Variants in GAS2 observed in about 807,000 individuals in gnomAD.
GAS2 encodes growth arrest specific 2, also known as growth arrest-specific protein 2.
A neutral mutation model predicts 37.5 loss-of-function variants in GAS2; 20 were observed. That is an observed-to-expected ratio of 0.53 (90% CI 0.37 to 0.77). The LOEUF (loss-of-function observed/expected upper bound fraction) is 0.77, where lower values mean the gene tolerates loss of function less well. GAS2 is among the 30% of genes least tolerant of loss of function. The pLI is 0.00. For missense variants in GAS2, 336 were observed against 373.4 expected, an observed-to-expected ratio of 0.90 and a Z score of 0.82; for synonymous variants, 144 against 132.2, an observed-to-expected ratio of 1.09 and a Z score of -0.61.
intron 2 of GAS2, among the ~76,000 whole-genome samples, chr11:22,678,628 A>G (rs951809474): frequency 1.3e-5 from 2 of 152,024 alleles, no homozygotes; most frequent in Admixed American, 1.3e-4. Context: ...ATGCTTGTCT[A>G]AAATGTAATT....
chr11:22,673,967 A>G (rs1125898), intron 1 of GAS2, among the ~76,000 whole-genome samples: 95,056 of 152,054 alleles, frequency 0.63, 30,913 homozygotes, highest in East Asian at 0.83. Flanking sequence ...AAGATAAAAA[A>G]CAAGAAAGAG....
chr11:22,638,290 A>G (rs545237982), intron 1 of GAS2, among the ~76,000 whole-genome samples: 1 of 152,228 alleles, frequency 6.6e-6, no homozygotes, highest in South Asian at 2.1e-4. Context: ...TAAGAATTGA[A>G]AACTTAAGTT....
intron 4 of GAS2, among the ~76,000 whole-genome samples, chr11:22,727,002 C>T (rs929842352): frequency 3.9e-5 from 6 of 152,060 alleles, no homozygotes; most frequent in African/African-American, 1.4e-4. Context: ...AGTGCCTACA[C>T]CTACTGAGAT....
At chr11:22,725,258 G>C (rs1852145816) in intron 3 of GAS2, among the ~76,000 whole-genome samples, 1 of 151,924 alleles carries the variant, frequency 6.6e-6, no homozygotes, top group Non-Finnish European at 1.5e-5. Context: ...GTCTATCCAG[G>C]TTCACCCCCA....
chr11:22,715,785 A>T (rs1423657405), intron 3 of GAS2, among the ~76,000 whole-genome samples: 4 of 152,142 alleles, frequency 2.6e-5, no homozygotes, highest in Non-Finnish European at 5.9e-5. Context: ...AAGAATTGGT[A>T]CCAATCCTGC....
At chr11:22,758,979 T>G (rs1264365023) in intron 7 of GAS2, among the ~76,000 whole-genome samples, 3 of 151,538 alleles carry the variant, frequency 2.0e-5, no homozygotes, top group African/African-American at 7.3e-5. Flanking sequence ...CTAACACTGT[T>G]AACTCTTGAC....
At chr11:22,718,038 C>T (rs1396197541) in intron 3 of GAS2, among the ~76,000 whole-genome samples, 2 of 151,948 alleles carry the variant, frequency 1.3e-5, no homozygotes, top group Admixed American at 6.6e-5. Flanking sequence ...TAAACTAATA[C>T]AACCACCATG....
intron 7 of GAS2, among the ~76,000 whole-genome samples, chr11:22,765,301 A>C (rs1854628009): frequency 6.6e-6 from 1 of 152,238 alleles, no homozygotes; most frequent in South Asian, 2.1e-4. Context: ...GCAACAATAT[A>C]GTAGAGAGTT....
chr11:22,717,905 T>A (rs542395564), intron 3 of GAS2, among the ~76,000 whole-genome samples: 1 of 152,088 alleles, frequency 6.6e-6, no homozygotes, highest in African/African-American at 2.4e-5. Flanking sequence ...GAAATGCAAA[T>A]CAAAACCACA....
chr11:22,690,091 T>G (rs1453544480), intron 3 of GAS2, among the ~76,000 whole-genome samples: 1 of 152,232 alleles, frequency 6.6e-6, no homozygotes, highest in African/African-American at 2.4e-5. Context: ...CAATATTTTT[T>G]ACTATTCTTG....
chr11:22,704,143 G>A (rs1365177789), intron 3 of GAS2, among the ~76,000 whole-genome samples: 1 of 152,078 alleles, frequency 6.6e-6, no homozygotes, highest in East Asian at 1.9e-4. Flanking sequence ...GTGTTATGGA[G>A]GATGTGAAGC....
chr11:22,781,466 T>G (rs544470384), intron 7 of GAS2, among the ~76,000 whole-genome samples: 1 of 152,220 alleles, frequency 6.6e-6, no homozygotes, highest in East Asian at 1.9e-4. Flanking sequence ...ACAGGTTTAA[T>G]TAAAATTTCT....
chr11:22,737,009 A>T lies in GAS2; in HGVS notation c.410-696A>T, dbSNP rs76432703. On this transcript the variant is annotated intron_variant, in intron 4 of 7. Transcript: ENST00000454584. Reference sequence around the variant, plus strand: ...AGCAAATGCACTAATTAATCACATTATATTATAATAGAAATATCAATTCAA... The same window carrying T: ...AGCAAATGCACTAATTAATCACATTTTATTATAATAGAAATATCAATTCAA... 2.4e-4 allele frequency among the ~76,000 whole-genome samples: 37 copies of T among 152,340 alleles called. No homozygotes were observed. The East Asian group carries it at 7.1e-3, about 29-fold the overall frequency.
At chr11:22,741,196 G>C (rs1360202449) in intron 5 of GAS2, among the ~76,000 whole-genome samples, 2 of 152,070 alleles carry the variant, frequency 1.3e-5, no homozygotes, top group African/African-American at 4.8e-5. Context: ...GTTCTCATGG[G>C]TAAAACTTAC....
chr11:22,695,305 G>C (rs918397277), intron 3 of GAS2, among the ~76,000 whole-genome samples: 11 of 150,926 alleles, frequency 7.3e-5, no homozygotes, highest in African/African-American at 2.7e-4. Flanking sequence ...GGGTGACAGA[G>C]TGAGACTCCT....
chr11:22,761,011 T>C (rs1363606671), intron 7 of GAS2, among the ~76,000 whole-genome samples: 1 of 152,196 alleles, frequency 6.6e-6, no homozygotes, highest in Non-Finnish European at 1.5e-5. Flanking sequence ...AATTTTTGCA[T>C]ATTGTTGTGA....
At chr11:22,725,380 C>G (rs989641232) in intron 3 of GAS2, among the ~76,000 whole-genome samples, 7 of 152,064 alleles carry the variant, frequency 4.6e-5, no homozygotes, top group Admixed American at 2.6e-4. Flanking sequence ...GTATTATATG[C>G]TATCGCTATA....
At chr11:22,642,725 T>G (rs868020585) in intron 1 of GAS2, among the ~76,000 whole-genome samples, 2 of 152,176 alleles carry the variant, frequency 1.3e-5, no homozygotes, top group Non-Finnish European at 2.9e-5. Flanking sequence ...TTACACGGAA[T>G]GTAAAGAACA....
upstream of GAS2, among the ~76,000 whole-genome samples, chr11:22,665,650 A>G (rs1565072207): frequency 6.6e-6 from 1 of 152,196 alleles, no homozygotes; most frequent in Non-Finnish European, 1.5e-5. Context: ...GAGTTCAAGG[A>G]CTCCAAACTT....
Sources: allele counts gnomAD v4.1 joint callset (sites outside exome capture counted in the v4.1 genomes callset), GRCh38; gene constraint gnomAD v4.1.1; transcripts MANE v1.5; gene names NCBI Gene and HGNC (gene_info 2026-07-23, HGNC 2026-07-21).